NTM: variants seen among roughly 807,000 people sequenced by gnomAD.
NTM encodes the protein IgLON family member 2.
NTM carries 13 observed loss-of-function variants against 42.1 expected under a neutral mutation model. The observed-to-expected ratio is 0.31, with a 90% CI of 0.20 to 0.49. The LOEUF (loss-of-function observed/expected upper bound fraction) is 0.49. Among genes scored for constraint, NTM ranks in the 20% least tolerant of loss-of-function variants. The pLI, the probability that NTM is intolerant of heterozygous loss-of-function variation, is 0.99. For synonymous variants in NTM, 187 were observed against 179.2 expected, an observed-to-expected ratio of 1.04 and a Z score of -0.35; for missense variants, 373 against 452.8, an observed-to-expected ratio of 0.82 and a Z score of 1.60.
Position 131,712,393 on chromosome 11 carries a change from A to G in NTM, c.83-199171A>G, listed in dbSNP as rs537342379. Among the ~76,000 whole-genome samples, 4 of 152,170 alleles carry G rather than the reference A, an allele frequency of 2.6e-5. No homozygotes were observed. The South Asian group carries it at 8.3e-4, about 32-fold the overall frequency. On this transcript the variant is annotated intron_variant, in intron 1 of 8. Transcript: ENST00000683400. ...ACTACCTTCTCGGAAACTTCTGTGT[A>G]TATATTTATAGATCTAAATATCTGT...
intron 2 of NTM, among the ~76,000 whole-genome samples, chr11:132,129,654 T>C (rs1479919953): frequency 6.6e-6 from 1 of 152,194 alleles, no homozygotes; most frequent in Non-Finnish European, 1.5e-5. Flanking sequence ...GAAGACTTCT[T>C]AGGAAATAAA....
chr11:131,917,664 G>A (rs990704260), intron 2 of NTM, among the ~76,000 whole-genome samples: 1 of 152,136 alleles, frequency 6.6e-6, no homozygotes, highest in African/African-American at 2.4e-5. Context: ...TATAACTATT[G>A]ATCCGTTGTT....
At chr11:132,314,733 G>C (rs772526221) in intron 7 of NTM, 30 bp downstream of exon 7, 228 of 1,595,706 alleles carry the variant, frequency 1.4e-4, no homozygotes, top group Non-Finnish European at 1.9e-4. Flanking sequence ...TGGGCAAGAA[G>C]AGGGGAGAGG....
intron 2 of NTM, among the ~76,000 whole-genome samples, chr11:131,973,082 A>G (rs1348503023): frequency 1.3e-5 from 2 of 152,264 alleles, no homozygotes; most frequent in East Asian, 3.8e-4. Context: ...TAAATGTATT[A>G]GAATGACTCC....
chr11:132,277,965 G>T (rs141943615), intron 4 of NTM, among the ~76,000 whole-genome samples: 1 of 152,248 alleles, frequency 6.6e-6, no homozygotes, highest in African/African-American at 2.4e-5. Flanking sequence ...ACAGTTTATT[G>T]AGAACTCGAA....
chr11:131,889,937 T>G (rs1369725743), intron 1 of NTM, among the ~76,000 whole-genome samples: 1 of 152,150 alleles, frequency 6.6e-6, no homozygotes. Flanking sequence ...TACTTAGGCA[T>G]GCATTTAGCT....
chr11:131,926,081 A>C (rs974501689), intron 2 of NTM, among the ~76,000 whole-genome samples: 3 of 147,718 alleles, frequency 2.0e-5, no homozygotes, highest in Non-Finnish European at 4.5e-5. Context: ...TGTTTAGTGA[A>C]GGAGATGAGG....
intron 1 of NTM, among the ~76,000 whole-genome samples, chr11:131,394,647 C>G (rs1944357995): frequency 1.3e-5 from 2 of 152,196 alleles, no homozygotes; most frequent in African/African-American, 4.8e-5. Context: ...CATCCTTTCA[C>G]TTCAGGACCA....
chr11:131,513,147 C>T (rs953523027), intron 1 of NTM, among the ~76,000 whole-genome samples: 2 of 152,236 alleles, frequency 1.3e-5, no homozygotes, highest in Admixed American at 6.5e-5. Flanking sequence ...TGTGTGAACG[C>T]GTAAGCTGTG....
At chr11:131,380,284 C>T (rs1374502731) in intron 1 of NTM, among the ~76,000 whole-genome samples, 5 of 150,402 alleles carry the variant, frequency 3.3e-5, no homozygotes, top group Non-Finnish European at 7.4e-5. Context: ...CTCAGCTCAC[C>T]TCAACCTCCG....
At chr11:132,058,651 T>G (rs556917806) in intron 2 of NTM, among the ~76,000 whole-genome samples, 1 of 152,282 alleles carries the variant, frequency 6.6e-6, no homozygotes, top group Non-Finnish European at 1.5e-5. Flanking sequence ...TTTGTGTGGG[T>G]TTGGCTGGGG....
intron 1 of NTM, among the ~76,000 whole-genome samples, chr11:131,420,825 G>A (rs1409464890): frequency 6.6e-6 from 1 of 152,128 alleles, no homozygotes; most frequent in Non-Finnish European, 1.5e-5. Flanking sequence ...TCAGTCTAGG[G>A]AACAATGGTG....
intron 1 of NTM, among the ~76,000 whole-genome samples, chr11:131,717,748 A>G (rs970032553): frequency 3.9e-5 from 6 of 152,132 alleles, no homozygotes; most frequent in African/African-American, 1.4e-4. Flanking sequence ...CTCCAGTACA[A>G]TGTTGAATAG....
At chr11:131,607,352 T>C (rs1468764254) in intron 1 of NTM, among the ~76,000 whole-genome samples, 1 of 152,174 alleles carries the variant, frequency 6.6e-6, no homozygotes, top group Non-Finnish European at 1.5e-5. Flanking sequence ...GTCCTCCCTG[T>C]GCTGTGTTTT....
intron 1 of NTM, among the ~76,000 whole-genome samples, chr11:131,449,014 G>C (rs1367457524): frequency 6.6e-6 from 1 of 152,202 alleles, no homozygotes; most frequent in African/African-American, 2.4e-5. Flanking sequence ...CACATTCAAA[G>C]AGCAGGGGCA....
chr11:131,740,113 A>G (rs1442073601), intron 1 of NTM, among the ~76,000 whole-genome samples: 1 of 152,196 alleles, frequency 6.6e-6, no homozygotes, highest in Non-Finnish European at 1.5e-5. Flanking sequence ...ATACTGGGAT[A>G]ATGCCTCACT....
intron 4 of NTM, among the ~76,000 whole-genome samples, chr11:132,296,803 C>T (rs937335488): frequency 5.9e-5 from 9 of 152,166 alleles, no homozygotes; most frequent in African/African-American, 2.2e-4. Context: ...GTGAAAATTC[C>T]ACCTGGCAGT....
chr11:132,094,935 T>A (rs2136456196), intron 2 of NTM, among the ~76,000 whole-genome samples: 1 of 152,336 alleles, frequency 6.6e-6, no homozygotes, highest in Non-Finnish European at 1.5e-5. Flanking sequence ...ACAGTCAGTC[T>A]CAGCAAGGAG....
chr11:132,077,626 G>A (rs2058534950), intron 2 of NTM, among the ~76,000 whole-genome samples: 2 of 152,200 alleles, frequency 1.3e-5, no homozygotes, highest in Non-Finnish European at 2.9e-5. Context: ...CTGATAAGGG[G>A]CAGAGGCAAA....
Sources: allele counts gnomAD v4.1 joint callset (sites outside exome capture counted in the v4.1 genomes callset), GRCh38; gene constraint gnomAD v4.1.1; transcripts MANE v1.5; gene names NCBI Gene and HGNC (gene_info 2026-07-23, HGNC 2026-07-21).